Variants in SDK1 observed in about 807,000 individuals in gnomAD.
SDK1 encodes the protein protein sidekick-1.
SDK1 carries 157 observed loss-of-function variants against 245.5 expected under a neutral mutation model. That is an observed-to-expected ratio of 0.64 (90% CI 0.56 to 0.73). SDK1 has a LOEUF of 0.73. Among genes scored for constraint, SDK1 ranks in the 30% least tolerant of loss-of-function variants. The pLI, the probability that SDK1 is intolerant of heterozygous loss-of-function variation, is 0.00. For missense variants in SDK1, 3,583 were observed against 3,002.3 expected (o/e 1.19, Z -4.52); for synonymous variants, 1,647 against 1,278.5 (o/e 1.29, Z -6.15).
chr7:4,001,096 A>G (rs148111155), intron 14 of SDK1, among the ~76,000 whole-genome samples: 1 of 152,182 alleles, frequency 6.6e-6, no homozygotes, highest in Non-Finnish European at 1.5e-5. Context: ...GTCCCACAGG[A>G]TGGTGTAACT....
intron 1 of SDK1, among the ~76,000 whole-genome samples, chr7:3,379,152 C>T (rs538749353): frequency 6.6e-6 from 1 of 152,288 alleles, no homozygotes; most frequent in African/African-American, 2.4e-5. Context: ...CGTCACTTTT[C>T]TAGAAATTTA....
chr7:4,227,591 C>G (rs1280231018), intron 40 of SDK1, among the ~76,000 whole-genome samples: 1 of 152,206 alleles, frequency 6.6e-6, no homozygotes, highest in Non-Finnish European at 1.5e-5. Flanking sequence ...GACTGACAGT[C>G]AAGCGGTTGG....
chr7:3,682,677 C>G lies in SDK1; in HGVS notation c.713+40572C>G, dbSNP rs1011084430. On this transcript the variant is annotated intron_variant, in intron 4 of 44. Transcript: ENST00000404826. ...TGCCTGTTATACTCCAACCTGCTCT[C>G]CTCTCTCAGAAGGGGGGATCTCAAA... 2.6e-5 allele frequency among the ~76,000 whole-genome samples: 4 copies of G among 151,878 alleles called. No homozygotes were observed. The East Asian group carries it at 7.7e-4, about 29-fold the overall frequency.
chr7:3,863,075 G>C (rs966860615), intron 5 of SDK1, among the ~76,000 whole-genome samples: 2 of 152,190 alleles, frequency 1.3e-5, no homozygotes, highest in Admixed American at 6.5e-5. Context: ...GGCCTGGAGG[G>C]TGGGGACCCC....
intron 1 of SDK1, among the ~76,000 whole-genome samples, chr7:3,314,262 G>A (rs1407864232): frequency 6.6e-6 from 1 of 152,208 alleles, no homozygotes. Flanking sequence ...ATCAACAGGA[G>A]TGAGGAACCC....
chr7:4,053,822 C>G lies in SDK1; in HGVS notation c.2911+1992C>G, dbSNP rs563294124. Among the ~76,000 whole-genome samples the G allele has an allele frequency of 2.6e-5, 4 of 152,278 alleles. No homozygotes were observed. The East Asian group carries it at 7.7e-4, about 29-fold the overall frequency. On this transcript the variant is annotated intron_variant, in intron 19 of 44. Coordinates refer to ENST00000404826, the MANE Select transcript of SDK1 (RefSeq NM_152744.4). ...AGCCCTGCTGCTGCTGTGAATTGAT[C>G]CCAGAAGTTCTTCCCATACTCTGCC... is the stretch of plus-strand genomic sequence containing the variant.
chr7:3,638,232 G>A (rs946156372), intron 2 of SDK1, among the ~76,000 whole-genome samples: 4 of 152,150 alleles, frequency 2.6e-5, no homozygotes, highest in African/African-American at 9.7e-5. Flanking sequence ...GTATCAGTGC[G>A]ATAATCTCAG....
chr7:3,980,039 G>A (rs1417263924), intron 13 of SDK1, among the ~76,000 whole-genome samples: 2 of 152,112 alleles, frequency 1.3e-5, no homozygotes, highest in Non-Finnish European at 2.9e-5. Context: ...ATTTAATACT[G>A]TTTCCCCCAG....
chr7:3,965,312 C>T (rs1334729528), intron 9 of SDK1, among the ~76,000 whole-genome samples: 1 of 152,056 alleles, frequency 6.6e-6, no homozygotes, highest in Admixed American at 6.5e-5. Context: ...TTTCTCTCAG[C>T]CTCAGTTTTC....
rs535794592 is a variant in SDK1 at position 4,161,768 on chromosome 7, C to T, written c.4730-18C>T. On this transcript the variant is annotated intron_variant, in intron 31 of 44. Transcript: ENST00000404826. ...AACAACCACCCTGACCCCCGCTTTC[C>T]TCTCCTGTGTGTTTCAGTTCCAGGA... The T allele has an allele frequency of 2.7e-5, 43 of 1,610,552 alleles. No homozygotes were observed. The Admixed American group carries it at 6.3e-4, about 24-fold the overall frequency.
chr7:4,205,926 A>G lies in SDK1; in HGVS notation c.5146A>G (p.Ser1716Gly). ...QNVQVTPLTA[S>G]QLEVTWDPPP... ...CGTGCAGGTGACCCCACTCACGGCC[A>G]GCCAGCTGGAGGTCACGTGGGACCC... The change falls in exon 36 of 45, where the codon AGC becomes GGC. Residue 1716 changes from serine (S) to glycine (G), a missense_variant. Physicochemically the swap from Ser to Gly is moderately conservative, Grantham distance 56. Transcript: ENST00000404826. The G allele has an allele frequency of 1.9e-6, 3 of 1,562,372 alleles. No homozygotes were observed. Among genetic ancestry groups the G allele is most frequent in the Non-Finnish European group, 2.6e-6 (3 of 1,152,608 alleles).
chr7:3,323,251 T>C (rs535112403), intron 1 of SDK1, among the ~76,000 whole-genome samples: 1 of 152,318 alleles, frequency 6.6e-6, no homozygotes, highest in South Asian at 2.1e-4. Flanking sequence ...ACGTTATTCA[T>C]TGTTACATTC....
At chr7:4,005,395 T>A (rs576593486) in intron 14 of SDK1, among the ~76,000 whole-genome samples, 59 of 83,582 alleles carry the variant, frequency 7.1e-4, no homozygotes, top group African/African-American at 2.8e-3. Context: ...CTTATGTGAG[T>A]GTGTGTGTGT....
chr7:4,068,180 C>G (rs556469988), intron 20 of SDK1, among the ~76,000 whole-genome samples: 2 of 152,288 alleles, frequency 1.3e-5, no homozygotes, highest in South Asian at 2.1e-4. Flanking sequence ...CTGTTCTCCT[C>G]GCATGATCTT....
chr7:3,470,520 T>C (rs1046628557), intron 1 of SDK1, among the ~76,000 whole-genome samples: 8 of 152,138 alleles, frequency 5.3e-5, no homozygotes, highest in Non-Finnish European at 1.2e-4. Flanking sequence ...AAATAAAATA[T>C]ATACAGAAGT....
intron 17 of SDK1, among the ~76,000 whole-genome samples, chr7:4,046,539 T>A (rs1490303970): frequency 6.6e-6 from 1 of 152,202 alleles, no homozygotes; most frequent in Admixed American, 6.5e-5. Context: ...GTCTAATATT[T>A]CCAGCACCAT....
intron 12 of SDK1, among the ~76,000 whole-genome samples, chr7:3,972,699 G>A (rs955903319): frequency 6.6e-6 from 1 of 152,208 alleles, no homozygotes; most frequent in Non-Finnish European, 1.5e-5. Context: ...GAGCAGAGGG[G>A]ACAGCTGTGG....
At chr7:3,639,899 G>T (rs1162199899) in intron 3 of SDK1, among the ~76,000 whole-genome samples, 1 of 151,980 alleles carries the variant, frequency 6.6e-6, no homozygotes, top group Non-Finnish European at 1.5e-5. Flanking sequence ...TCTCAGGCTG[G>T]AGTGCAGTGG....
At chr7:3,915,951 G>T (rs1425912195) in intron 5 of SDK1, among the ~76,000 whole-genome samples, 5 of 152,194 alleles carry the variant, frequency 3.3e-5, no homozygotes, top group African/African-American at 1.2e-4. Context: ...TCTCTGAAAA[G>T]TCTATCCTTT....
Sources: gnomAD v4.1 joint callset for allele counts (sites outside exome capture counted in the v4.1 genomes callset) on GRCh38, gnomAD v4.1.1 for gene constraint, MANE v1.5 for transcripts, NCBI Gene and HGNC (gene_info 2026-07-23, HGNC 2026-07-21) for gene names.